The following NEB variants were observed in gnomAD, a reference collection of about 807,000 sequenced individuals.
NEB encodes the protein nebulin.
In NEB, 512 loss-of-function variants were observed where a neutral mutation model predicts 952.2. That is an observed-to-expected ratio of 0.54 (90% CI 0.50 to 0.58). NEB has a LOEUF of 0.58. Among genes scored for constraint, NEB ranks in the 20% least tolerant of loss-of-function variants. The probability of loss-of-function intolerance (pLI) is 0.00; values close to 1 mark genes in which losing one functional copy is unlikely to be tolerated. For missense variants in NEB, 8,428 were observed against 9,231.1 expected (o/e 0.91, Z 3.56); for synonymous variants, 2,900 against 3,149.8 (o/e 0.92, Z 2.66).
rs200122580 is a variant in NEB at position 151,562,632 on chromosome 2, G to T, written c.18870C>A (p.Asn6290Lys). The change falls in exon 120 of 182, where the codon AAC (asparagine) becomes AAA (lysine). Residue 6290 changes from asparagine (N) to lysine (K), a missense_variant. Around this residue, in one of 11 missense-constraint regions of NEB, gnomAD observed 3,374 missense variants for 3,651.5 expected, o/e 0.92. Transcript: ENST00000397345. ...LEEPNVIRVR[N>K]AQEILSDNVY... ...ATACATCACTCAAGATCTCCTGGGC[G>T]TTTCGGACGCGTATAACATTGGGTT... is the stretch of plus-strand genomic sequence containing the variant. 2.5e-6 allele frequency: 4 copies of T among 1,578,488 alleles called. No individual in the cohort carries two copies. The East Asian group carries it at 9.1e-5, about 36-fold the overall frequency.
In NEB at chr2:151,723,462, C is replaced by T; in HGVS notation, c.637G>A (p.Ala213Thr). The T allele has an allele frequency of 6.2e-7, 1 of 1,607,884 alleles. No homozygotes were observed. The highest frequency in any genetic ancestry group is 2.2e-5 in the East Asian group (1 of 44,802). The change falls in exon 9 of 182, where the codon GCA becomes ACA. Residue 213 changes from alanine (A) to threonine (T), a missense_variant. Physicochemically the swap from Ala to Thr is moderately conservative, Grantham distance 58. Transcript: ENST00000397345. ...TAGGGGTAAAACAAACTTTTGTCTG[C>T]TTCCCAGTCTTCAGTGTACAGTTTC... ...SKKLYTEDWE[A>T]DKSLFYPYND... is the part of the protein sequence containing the mutation.
At chr2:151,625,409 G>A (rs1264084901) in intron 71 of NEB, 125 bp downstream of exon 71, 2 of 577,554 alleles carry the variant, frequency 3.5e-6, no homozygotes, top group Admixed American at 2.9e-5. Flanking sequence ...TCAAGGTAGG[G>A]TAAATGGCAT....
In NEB at chr2:151,627,274, T is replaced by A. The variant is rs1257517472; in HGVS notation, c.10144-69A>T. The A allele has an allele frequency of 3.9e-6, 6 of 1,529,386 alleles. No individual in the cohort carries two copies. In the East Asian group the frequency reaches 1.4e-4, roughly 35 times the overall value. 94.7% of individuals were successfully genotyped at this position (1,529,386 alleles called of 1,614,324 possible). A position where few individuals can be genotyped will look rare whatever the true frequency, so the allele number is the denominator to read the frequency against. ...TAACATGATTTCAAAAATAAAAAAATAACACTAGAAAGCTTGGATAGTCAA... is the reference window on the plus strand; with the variant it reads ...TAACATGATTTCAAAAATAAAAAAAAAACACTAGAAAGCTTGGATAGTCAA... On this transcript the variant is annotated intron_variant, in intron 69 of 181. Coordinates refer to ENST00000397345, the MANE Select transcript of NEB (RefSeq NM_001164508.2).
chr2:151,497,970 C>G, intron 170 of NEB: 1 of 1,434,702 alleles, frequency 7.0e-7, no homozygotes. Context: ...TTTGTGAGTA[C>G]GGTGCCTCCT....
intron 13 of NEB, among the ~76,000 whole-genome samples, chr2:151,702,266 G>A (rs1199828527): frequency 1.3e-5 from 2 of 151,986 alleles, no homozygotes; most frequent in Non-Finnish European, 2.9e-5. Context: ...TACATTTGCT[G>A]AGGAGAGCTT....
Position 151,697,217 on chromosome 2 carries a change from G to C in NEB, c.1401C>G (p.Gly467=). Residue 467 remains glycine (G), a synonymous_variant, in exon 16 of 182, where the codon GGC becomes GGG. Coordinates refer to ENST00000397345, the MANE Select transcript of NEB (RefSeq NM_001164508.2). ...NYKAEYEEDR[G]KGFFPQTITQ... Reference sequence around the variant, plus strand: ...TTATGGTCTGAGGGAAGAAGCCTTTGCCTCTGTCTTCTTCGTATTCTGCTT... The same window carrying C: ...TTATGGTCTGAGGGAAGAAGCCTTTCCCTCTGTCTTCTTCGTATTCTGCTT... The C allele has an allele frequency of 6.2e-7, 1 of 1,613,794 alleles. No homozygotes were observed. Among genetic ancestry groups the C allele is most frequent in the Non-Finnish European group, 8.5e-7 (1 of 1,179,854 alleles).
Position 151,525,161 on chromosome 2 carries a change from A to T in NEB, c.22272+2T>A. 3 of 1,607,890 alleles carry T rather than the reference A, an allele frequency of 1.9e-6. No homozygotes were observed. The highest frequency in any genetic ancestry group is 1.7e-6 in the Non-Finnish European group (2 of 1,174,280). The stretch of plus-strand genomic sequence containing the variant: ...CCAAGAGTGTTGAGAGGGAAAACTT[A>T]CATCACTTTGCTTCTTGGCCACTTC... On this transcript the variant is annotated splice_donor_variant, in intron 151 of 181. Transcript: ENST00000397345. LOFTEE classifies it high-confidence loss of function.
chr2:151,697,143 C>T lies in NEB; in HGVS notation c.1470+5G>A. 6.2e-7 allele frequency: 1 copy of T among 1,607,898 alleles called. No individual in the cohort carries two copies. The highest frequency in any genetic ancestry group is 1.1e-5 in the South Asian group (1 of 90,538). On this transcript the variant is annotated splice_donor_5th_base_variant and intron_variant, in intron 16 of 181. Transcript: ENST00000397345. ...TCACATTCAAAGTTCAGACTACAGA[C>T]TTACGTCTTTACACTGATCTAGTTT...
At chr2:151,624,661 T>A (rs892994618) in intron 71 of NEB, among the ~76,000 whole-genome samples, 1 of 152,158 alleles carries the variant, frequency 6.6e-6, no homozygotes, top group Non-Finnish European at 1.5e-5. Context: ...AATTTGGTCA[T>A]CTTAAAAATT....
chr2:151,619,653 C>G lies in NEB; in HGVS notation c.10670G>C (p.Ser3557Thr). ...MWSLHIAKVQ[S>T]DREYKKDFEK... ...AAAATCTTTCTTGTACTCACGGTCA[C>G]TCTGCACTTTGGCAATGTGGAGGGA... Residue 3557 changes from serine (S) to threonine (T), a missense_variant, in exon 73 of 182, where the codon AGT becomes ACT. Coordinates refer to ENST00000397345, the MANE Select transcript of NEB (RefSeq NM_001164508.2). 2 of 1,613,998 alleles carry G rather than the reference C, an allele frequency of 1.2e-6. No individual in the cohort carries two copies. Among genetic ancestry groups the G allele is most frequent in the Non-Finnish European group, 1.7e-6 (2 of 1,179,882 alleles).
intron 95 of NEB, among the ~76,000 whole-genome samples, 160 bp from the exon 96 acceptor site, chr2:151,591,615 G>C (rs2153867269): frequency 6.6e-6 from 1 of 152,372 alleles, no homozygotes; most frequent in South Asian, 2.1e-4. Flanking sequence ...TTGAATTCCA[G>C]TAGATTTTTA....
chr2:151,727,758 A>G lies in NEB; in HGVS notation c.227T>C (p.Val76Ala). 2 of 1,613,728 alleles carry G rather than the reference A, an allele frequency of 1.2e-6. No homozygotes were observed. Among genetic ancestry groups the G allele is most frequent in the Non-Finnish European group, 8.5e-7 (1 of 1,179,750 alleles). Reference sequence around the variant, plus strand: ...GGGGGTCATGAACTTTGAAGGATCCACTTTCTTCCGGATGACCTTCCTCCT... The same window carrying G: ...GGGGGTCATGAACTTTGAAGGATCCGCTTTCTTCCGGATGACCTTCCTCCT... ...VERRKVIRKK[V>A]DPSKFMTPYI... The change falls in exon 5 of 182, where the codon GTG becomes GCG. Residue 76 changes from valine to alanine, a missense_variant. By Grantham distance (64) the Val-to-Ala change is moderately conservative. This residue lies in a region of NEB where 2,851 missense variants were observed against 2,791.5 expected (regional missense o/e 1.02). Transcript: ENST00000397345.
intron 4 of NEB, among the ~76,000 whole-genome samples, chr2:151,728,124 A>C (rs922446067): frequency 6.6e-6 from 1 of 152,224 alleles, no homozygotes. Context: ...GCGTGGAATA[A>C]AAAGTTTACT....
chr2:151,664,861 C>G lies in NEB; in HGVS notation c.5241G>C (p.Arg1747Ser). 6.2e-7 allele frequency: 1 copy of G among 1,604,794 alleles called. No individual in the cohort carries two copies. The highest frequency in any genetic ancestry group is 8.5e-7 in the Non-Finnish European group (1 of 1,173,486). ...CCTTGTTCCATTTTTCAGTGTAGAG[C>G]CTCTGCAATGAGAAAGTCAGGTGCA... ...NKSNKLNMDK[R>S]LYTEKWNKDK... The change falls in exon 43 of 182, where the codon AGG becomes AGC. Residue 1747 changes from arginine to serine, a missense_variant and splice_region_variant. Coordinates refer to ENST00000397345, the MANE Select transcript of NEB (RefSeq NM_001164508.2).
chr2:151,617,727 A>AT (rs572030936), intron 74 of NEB, among the ~76,000 whole-genome samples: 2,670 of 146,330 alleles, frequency 0.018, 48 homozygotes, highest in East Asian at 0.042. Context: ...AGCACACAGT[A>AT]TTTTTTTTTT....
chr2:151,645,584 A>G (rs2098946287), intron 55 of NEB, among the ~76,000 whole-genome samples: 2 of 152,216 alleles, frequency 1.3e-5, no homozygotes, highest in South Asian at 4.1e-4. Flanking sequence ...TTTATCTGTC[A>G]GTCCTTCGTG....
chr2:151,704,749 G>A (rs1019991028), intron 13 of NEB, among the ~76,000 whole-genome samples: 5 of 152,088 alleles, frequency 3.3e-5, no homozygotes, highest in African/African-American at 4.8e-5. Context: ...ACTGACCTGC[G>A]CCCACTGTCT....
intron 65 of NEB, among the ~76,000 whole-genome samples, chr2:151,631,758 G>T (rs1325194936): frequency 6.6e-6 from 1 of 152,146 alleles, no homozygotes; most frequent in African/African-American, 2.4e-5. Context: ...CACTGTTGAA[G>T]AATATTTATG....
At chr2:151,679,856 A>C (rs751353236) in intron 31 of NEB, 28 bp from the exon 32 acceptor site, 1 of 1,609,556 alleles carries the variant, frequency 6.2e-7, no homozygotes, top group African/African-American at 1.3e-5. Flanking sequence ...TTTAAGTACA[A>C]CTTAGAGACT....
Sources: gnomAD v4.1 joint callset for allele counts (sites outside exome capture counted in the v4.1 genomes callset) on GRCh38, gnomAD v4.1.1 for gene constraint, gnomAD v4.1.1 regional missense constraint, MANE v1.5 for transcripts, NCBI Gene and HGNC (gene_info 2026-07-23, HGNC 2026-07-21) for gene names.